Variants in PAX2 observed in about 807,000 individuals in gnomAD.
The protein encoded by PAX2 is paired box 2.
Under a neutral mutation model 41.7 loss-of-function variants are expected in PAX2, and 9 were observed. The observed-to-expected ratio is 0.22, with a 90% CI of 0.13 to 0.38. The LOEUF (loss-of-function observed/expected upper bound fraction) is 0.38, where lower values mean the gene tolerates loss of function less well. PAX2 is among the 10% of genes least tolerant of loss of function. The pLI is 1.00. For missense variants in PAX2, 418 were observed against 531.6 expected, an observed-to-expected ratio of 0.79 and a Z score of 2.10; for synonymous variants, 221 against 212.7, an observed-to-expected ratio of 1.04 and a Z score of -0.34.
At chr10:100,792,718 T>C (rs1348223667) in intron 5 of PAX2, among the ~76,000 whole-genome samples, 1 of 149,166 alleles carries the variant, frequency 6.7e-6, no homozygotes, top group Non-Finnish European at 1.5e-5. Context: ...CCCCCTGCTC[T>C]CTCCCTCCCC....
chr10:100,792,129 C>A (rs1278892407), intron 5 of PAX2, among the ~76,000 whole-genome samples: 1 of 152,146 alleles, frequency 6.6e-6, no homozygotes, highest in Admixed American at 6.5e-5. Context: ...AAATAGAGAC[C>A]GTATTTTTTT....
In PAX2 at chr10:100,811,204, G is replaced by A. The variant is rs80259205; in HGVS notation, c.919+1968G>A. On this transcript the variant is annotated intron_variant, in intron 7 of 9. Transcript: ENST00000355243. The stretch of plus-strand genomic sequence containing the variant: ...ACACTTAGGCCAAGATCCACTGTTT[G>A]GATTAATAGTGCCATTACCCAAGAA... 6.5e-3 allele frequency among the ~76,000 whole-genome samples: 988 copies of A among 152,256 alleles called. 14 individuals are homozygous for A. The highest frequency in any genetic ancestry group is 0.023 in the African/African-American group (942 of 41,538).
chr10:100,773,688 G>A (rs1318955348), intron 3 of PAX2, among the ~76,000 whole-genome samples: 2 of 152,048 alleles, frequency 1.3e-5, no homozygotes, highest in Non-Finnish European at 2.9e-5. Flanking sequence ...AATATTATTG[G>A]CCTGGAGAAT....
At chr10:100,800,239 T>C (rs1847507116) in intron 5 of PAX2, among the ~76,000 whole-genome samples, 2 of 151,716 alleles carry the variant, frequency 1.3e-5, no homozygotes, top group African/African-American at 4.8e-5. Context: ...CATCATTTCA[T>C]TTTCATTTTC....
At chr10:100,774,716 T>C (rs1846324134) in intron 3 of PAX2, among the ~76,000 whole-genome samples, 1 of 152,218 alleles carries the variant, frequency 6.6e-6, no homozygotes, top group Non-Finnish European at 1.5e-5. Context: ...CCCTATTTAG[T>C]CCTTGCCACA....
At chr10:100,782,286 T>C (rs1195661349) in intron 5 of PAX2, among the ~76,000 whole-genome samples, 1 of 151,988 alleles carries the variant, frequency 6.6e-6, no homozygotes, top group African/African-American at 2.4e-5. Context: ...CATAAAGGGG[T>C]GACCATCTAT....
chr10:100,742,612 A>G (rs1030099145), upstream of PAX2, among the ~76,000 whole-genome samples: 1 of 152,130 alleles, frequency 6.6e-6, no homozygotes, highest in African/African-American at 2.4e-5. Context: ...GCAACTCCCC[A>G]AAAGTTTATT....
intron 5 of PAX2, among the ~76,000 whole-genome samples, chr10:100,785,005 C>T (rs945352507): frequency 1.3e-5 from 2 of 152,176 alleles, no homozygotes; most frequent in Admixed American, 6.5e-5. Context: ...CTGAAGCACC[C>T]AGAAGACAGG....
intron 3 of PAX2, among the ~76,000 whole-genome samples, chr10:100,756,720 T>G (rs1031836161): frequency 6.6e-6 from 1 of 152,206 alleles, no homozygotes. Context: ...AATAATTTAT[T>G]TTTCACTTCC....
intron 5 of PAX2, among the ~76,000 whole-genome samples, chr10:100,805,111 G>A (rs1847729343): frequency 6.7e-6 from 1 of 150,162 alleles, no homozygotes; most frequent in South Asian, 2.1e-4. Context: ...GAATAGATAT[G>A]GAGGGAAGAT....
At chr10:100,796,905 C>T (rs1847359265) in intron 5 of PAX2, among the ~76,000 whole-genome samples, 1 of 152,222 alleles carries the variant, frequency 6.6e-6, no homozygotes, top group Non-Finnish European at 1.5e-5. Flanking sequence ...AATTACCTAA[C>T]TTCTCTGAGC....
At chr10:100,775,562 C>T (rs56376707) in intron 3 of PAX2, among the ~76,000 whole-genome samples, 8,573 of 152,258 alleles carry the variant, frequency 0.056, 652 homozygotes, top group African/African-American at 0.17. Flanking sequence ...TTCCATCACT[C>T]GCTGCCTCAG....
At chr10:100,784,001 C>T (rs1475465211) in intron 5 of PAX2, among the ~76,000 whole-genome samples, 2 of 152,090 alleles carry the variant, frequency 1.3e-5, no homozygotes, top group African/African-American at 4.8e-5. Context: ...GAGACCAGTT[C>T]TCCCTGACCT....
At position 100,805,609 on chromosome 10, in the gene PAX2, G is replaced by C. The variant is rs111242915; in HGVS notation, c.617-821G>C. ...GAGACAGGATTGGCCTGTAGACTCA[G>C]GGGAGCAGGCACCGGTGTGATAAGA... On this transcript the variant is annotated intron_variant, in intron 5 of 9. Transcript: ENST00000355243. Among the ~76,000 whole-genome samples the C allele has an allele frequency of 5.6e-3, 859 of 152,328 alleles. 4 individuals carry two copies. The highest frequency in any genetic ancestry group is 9.4e-3 in the Non-Finnish European group (637 of 68,020).
chr10:100,800,893 C>T (rs1003387100), intron 5 of PAX2, among the ~76,000 whole-genome samples: 1 of 152,194 alleles, frequency 6.6e-6, no homozygotes, highest in African/African-American at 2.4e-5. Flanking sequence ...AGAAGTAGCA[C>T]ATACTAATTG....
chr10:100,820,187 C>T (rs182092285), intron 7 of PAX2, among the ~76,000 whole-genome samples: 10 of 152,270 alleles, frequency 6.6e-5, no homozygotes, highest in Admixed American at 1.3e-4. Context: ...ACAGCCATGA[C>T]GATATGAGAC....
At chr10:100,754,367 T>C (rs375964375) in intron 3 of PAX2, among the ~76,000 whole-genome samples, 12 of 152,288 alleles carry the variant, frequency 7.9e-5, no homozygotes, top group Middle Eastern at 3.4e-3. Flanking sequence ...GGGTGTCACC[T>C]TCTAACTTTT....
At chr10:100,803,660 G>A (rs749307340) in intron 5 of PAX2, among the ~76,000 whole-genome samples, 1 of 152,070 alleles carries the variant, frequency 6.6e-6, no homozygotes, top group African/African-American at 2.4e-5. Flanking sequence ...GCCTCCTCCA[G>A]CCTCTCTGGG....
In PAX2 at chr10:100,750,824, C is replaced by G; in HGVS notation, c.343C>G (p.Arg115Gly). The G allele has an allele frequency of 6.2e-7, 1 of 1,614,180 alleles. No homozygotes were observed. Among genetic ancestry groups the G allele is most frequent in the Non-Finnish European group, 8.5e-7 (1 of 1,179,990 alleles). ...QNPTMFAWEIRDRLLAEGICD... is the reference protein window; with the variant it reads ...QNPTMFAWEIGDRLLAEGICD... The stretch of plus-strand genomic sequence containing the variant: ...CCCGACTATGTTCGCCTGGGAGATT[C>G]GAGACCGGCTCCTGGCCGAGGGCAT... The change falls in exon 3 of 10, where the codon CGA (arginine) becomes GGA (glycine). Residue 115 changes from arginine to glycine, a missense_variant. Physicochemically the swap from Arg to Gly is moderately radical, Grantham distance 125. Coordinates refer to ENST00000355243, the MANE Select transcript of PAX2 (RefSeq NM_000278.5). The surrounding 1 kb of genome is among the most constrained non-coding windows in gnomAD (Gnocchi z 4.1).
Sources: gnomAD v4.1 joint callset for allele counts (sites outside exome capture counted in the v4.1 genomes callset) on GRCh38, gnomAD v4.1.1 for gene constraint, Gnocchi (gnomAD v3.1) non-coding constraint, MANE v1.5 for transcripts, NCBI Gene and HGNC (gene_info 2026-07-23, HGNC 2026-07-21) for gene names.